Variants in ZFAND3 observed in about 807,000 individuals in gnomAD.
ZFAND3 encodes zinc finger AN1-type containing 3, also known as AN1-type zinc finger protein 3.
ZFAND3 carries 10 observed loss-of-function variants against 29.6 expected under a neutral mutation model. The observed-to-expected ratio is 0.34, with a 90% CI of 0.21 to 0.57. The LOEUF is 0.57. Among genes scored for constraint, ZFAND3 ranks in the 20% least tolerant of loss-of-function variants. The pLI, the probability that ZFAND3 is intolerant of heterozygous loss-of-function variation, is 0.86. For missense variants in ZFAND3, 230 were observed against 304.5 expected (o/e 0.76, Z 1.82); for synonymous variants, 128 against 112.6 (o/e 1.14, Z -0.87).
chr6:38,004,251 T>G (rs1000941501), intron 2 of ZFAND3, among the ~76,000 whole-genome samples: 10 of 152,182 alleles, frequency 6.6e-5, no homozygotes, highest in African/African-American at 2.4e-4. Context: ...CTCTTGTGTA[T>G]TTTGAAGGTG....
chr6:37,918,951 C>CTTGTTTTTTTTTTTGTTTT (rs1761318785), intron 1 of ZFAND3, among the ~76,000 whole-genome samples: 1 of 104,738 alleles, frequency 9.5e-6, no homozygotes, highest in African/African-American at 4.1e-5. Flanking sequence ...TGAAAAATGC[C>CTTGTTTTTTTTTTTGTTTT]TTTTTTTTTT....
intron 2 of ZFAND3, among the ~76,000 whole-genome samples, chr6:37,959,429 G>A (rs563840042): frequency 1.3e-5 from 2 of 152,296 alleles, no homozygotes; most frequent in East Asian, 3.9e-4. Context: ...AATGAACAGT[G>A]TCAAGAATGG....
intron 2 of ZFAND3, among the ~76,000 whole-genome samples, chr6:37,988,194 A>G (rs538745913): frequency 6.6e-6 from 1 of 152,230 alleles, no homozygotes; most frequent in Non-Finnish European, 1.5e-5. Flanking sequence ...ACACAGCTGC[A>G]TTATTATTAC....
intron 1 of ZFAND3, among the ~76,000 whole-genome samples, chr6:37,895,449 C>T (rs1765182498): frequency 1.4e-5 from 2 of 140,408 alleles, no homozygotes; most frequent in Admixed American, 7.3e-5. Context: ...ATTCTCCTGC[C>T]TCAGAGGTTC....
chr6:38,082,141 T>A (rs1160671059), intron 3 of ZFAND3, among the ~76,000 whole-genome samples: 1 of 150,236 alleles, frequency 6.7e-6, no homozygotes, highest in East Asian at 1.9e-4. Context: ...GAGACTCGGC[T>A]GTTTTTTTTT....
At chr6:37,895,299 T>C (rs1005248587) in intron 1 of ZFAND3, among the ~76,000 whole-genome samples, 5 of 151,772 alleles carry the variant, frequency 3.3e-5, no homozygotes, top group South Asian at 4.2e-4. Flanking sequence ...ATCATCTCAA[T>C]ATAGTTTACA....
intron 1 of ZFAND3, among the ~76,000 whole-genome samples, chr6:37,847,453 A>C (rs1764202357): frequency 6.6e-6 from 1 of 152,124 alleles, no homozygotes; most frequent in Non-Finnish European, 1.5e-5. Flanking sequence ...ATTTGCCTGT[A>C]ATCCCAGCTA....
chr6:37,995,619 T>C (rs1762836718), intron 2 of ZFAND3, among the ~76,000 whole-genome samples: 1 of 152,218 alleles, frequency 6.6e-6, no homozygotes, highest in African/African-American at 2.4e-5. Context: ...ATATATGTTA[T>C]GTACTGTGCC....
At position 38,060,480 on chromosome 6, in the gene ZFAND3, T is replaced by TTCCTG. The variant is rs368578954; in HGVS notation, c.113-1098_113-1094dup. Among the ~76,000 whole-genome samples, 193 of 150,784 alleles carry TTCCTG rather than the reference T, an allele frequency of 1.3e-3. 1 individual carries two copies. The highest frequency in any genetic ancestry group is 4.5e-3 in the African/African-American group (183 of 40,954). ...TTTTCTCCTCTCTCTGCTTTCTCTGTTCCTGTCCTGTCCTGTCCTCCCTTC... is the reference window on the plus strand; with the variant it reads ...TTTTCTCCTCTCTCTGCTTTCTCTGTTCCTGTCCTGTCCTGTCCTGTCCTCCCTTC... On this transcript the variant is annotated intron_variant, in intron 2 of 5. Transcript: ENST00000287218.
chr6:38,083,668 A>G (rs1042030942), intron 4 of ZFAND3, among the ~76,000 whole-genome samples: 1 of 152,106 alleles, frequency 6.6e-6, no homozygotes, highest in South Asian at 2.1e-4. Flanking sequence ...CCCTCAGAGA[A>G]GGCTTTACTG....
chr6:37,860,010 T>A (rs1484580191), intron 1 of ZFAND3, among the ~76,000 whole-genome samples: 1 of 150,998 alleles, frequency 6.6e-6, no homozygotes, highest in East Asian at 1.9e-4. Flanking sequence ...TGGCTGGGAT[T>A]ACAGGAGCCT....
At chr6:37,920,180 CCTTAT>C (rs1761351221) in intron 1 of ZFAND3, among the ~76,000 whole-genome samples, 1 of 146,468 alleles carries the variant, frequency 6.8e-6, no homozygotes, top group Admixed American at 7.1e-5. Flanking sequence ...GGGAAGAAAA[CCTTAT>C]CTTATGTTTG....
intron 2 of ZFAND3, among the ~76,000 whole-genome samples, chr6:38,012,802 G>T (rs909256512): frequency 1.3e-5 from 2 of 152,208 alleles, no homozygotes; most frequent in East Asian, 1.9e-4. Flanking sequence ...CCACCCTCTA[G>T]TGGCTGCTCT....
At chr6:37,853,220 A>G (rs1764314409) in intron 1 of ZFAND3, among the ~76,000 whole-genome samples, 1 of 152,070 alleles carries the variant, frequency 6.6e-6, no homozygotes, top group African/African-American at 2.4e-5. Flanking sequence ...GGGATCAGTG[A>G]CACTGGTAGG....
chr6:38,150,981 G>A (rs1442854484), intron 5 of ZFAND3, among the ~76,000 whole-genome samples: 1 of 152,182 alleles, frequency 6.6e-6, no homozygotes, highest in African/African-American at 2.4e-5. Context: ...AGAAGGTGAT[G>A]AGGAGCCAGC....
At chr6:38,022,142 C>T (rs1349467099) in intron 2 of ZFAND3, among the ~76,000 whole-genome samples, 4 of 152,150 alleles carry the variant, frequency 2.6e-5, no homozygotes, top group Admixed American at 2.6e-4. Context: ...TCAGGTCCTG[C>T]CCCATGCATT....
chr6:37,868,063 T>A (rs1764620723), intron 1 of ZFAND3, among the ~76,000 whole-genome samples: 1 of 152,246 alleles, frequency 6.6e-6, no homozygotes, highest in Non-Finnish European at 1.5e-5. Context: ...ATGATGTTAA[T>A]TGTTAAATTT....
rs1297767917 is a variant in ZFAND3 at position 38,059,153 on chromosome 6, T to TA, written c.113-2434dup. On this transcript the variant is annotated intron_variant, in intron 2 of 5. Transcript: ENST00000287218. ...AGATACCTACCAACAGCTTAAGAAA[T>TA]AAAAAATTACAGAACAAGATAGAAG... Among the ~76,000 whole-genome samples, 5 of 152,184 alleles carry TA rather than the reference T, an allele frequency of 3.3e-5. No individual in the cohort carries two copies. In the East Asian group the frequency reaches 5.8e-4, roughly 18 times the overall value.
chr6:38,041,711 C>T (rs1197053632), intron 2 of ZFAND3, among the ~76,000 whole-genome samples: 247 of 662 alleles, frequency 0.37, 54 homozygotes, highest in East Asian at 0.81. Context: ...TCCTCCTCCT[C>T]CTCCTCCTCC....
Sources: allele counts gnomAD v4.1 joint callset (sites outside exome capture counted in the v4.1 genomes callset), GRCh38; gene constraint gnomAD v4.1.1; transcripts MANE v1.5; gene names NCBI Gene and HGNC (gene_info 2026-07-23, HGNC 2026-07-21).